The following SAG variants were observed in gnomAD, a reference collection of about 807,000 sequenced individuals.
SAG encodes the protein S-arrestin.
Under a neutral mutation model 55.0 loss-of-function variants are expected in SAG, and 45 were observed. The observed-to-expected ratio is 0.82, with a 90% confidence interval of 0.64 to 1.05. The LOEUF is 1.05. Among genes scored for constraint, SAG ranks in the 50% least tolerant of loss-of-function variants. The probability of loss-of-function intolerance (pLI) is 0.00; values close to 1 mark genes in which losing one functional copy is unlikely to be tolerated. For missense variants in SAG, 455 were observed against 512.1 expected, an observed-to-expected ratio of 0.89 and a Z score of 1.08; for synonymous variants, 189 against 197.4, an observed-to-expected ratio of 0.96 and a Z score of 0.36.
intron 5 of SAG, among the ~76,000 whole-genome samples, chr2:233,321,542 G>A (rs976023510): frequency 4.6e-5 from 7 of 152,186 alleles, no homozygotes; most frequent in African/African-American, 1.7e-4. Context: ...ACTTACAGGA[G>A]ATACCTGGAG....
intron 10 of SAG, 64 bp downstream of exon 10, chr2:233,331,776 G>A (rs573813075): frequency 7.7e-5 from 89 of 1,156,308 alleles, no homozygotes; most frequent in African/African-American, 2.4e-4. Flanking sequence ...GTTTCTCGCC[G>A]TTTATTGCTG....
At chr2:233,344,748 AT>A (rs1701202362) in intron 14 of SAG, 2 of 152,192 alleles carry the variant, frequency 1.3e-5, no homozygotes, top group African/African-American at 2.4e-5. Context: ...GGCTGGTAGG[AT>A]TCTAAGCAGA....
In SAG at chr2:233,329,547, G is replaced by C. The variant is rs570563401; in HGVS notation, c.703G>C (p.Glu235Gln). 3.1e-6 allele frequency: 5 copies of C among 1,613,138 alleles called. No homozygotes were observed. The South Asian group carries it at 5.5e-5, about 18-fold the overall frequency. ...GACCGTGACTGTCACCAATAACACAGAGAAGACCGTGAAGAAGATTAAAGC... is the reference window on the plus strand; with the variant it reads ...GACCGTGACTGTCACCAATAACACACAGAAGACCGTGAAGAAGATTAAAGC... ...PVTVTVTNNT[E>Q]KTVKKIKAFV... The change falls in exon 9 of 16, where the codon GAG becomes CAG. Residue 235 changes from glutamate to glutamine, a missense_variant. Physicochemically the swap from Glu to Gln is conservative, Grantham distance 29. Coordinates refer to ENST00000409110, the MANE Select transcript of SAG (RefSeq NM_000541.5).
At chr2:233,343,568 A>T (rs899467083) in intron 14 of SAG, 3 of 672,744 alleles carry the variant, frequency 4.5e-6, no homozygotes, top group Non-Finnish European at 6.5e-6. Flanking sequence ...TAGACTGTCG[A>T]CTGTGAAAAG....
At chr2:233,322,392 G>A (rs144912777) in intron 5 of SAG, among the ~76,000 whole-genome samples, 2 of 152,216 alleles carry the variant, frequency 1.3e-5, no homozygotes, top group African/African-American at 2.4e-5. Flanking sequence ...TTATGATGTG[G>A]GAAAATGGTC....
At chr2:233,329,417 GA>G in intron 8 of SAG, 75 bp from the exon 9 acceptor site, 3 of 859,554 alleles carry the variant, frequency 3.5e-6, no homozygotes, top group Non-Finnish European at 5.9e-6. Flanking sequence ...GGATTGAGAT[GA>G]ATCTAGAAAG....
chr2:233,322,185 C>CAAAAAAA (rs35197599), intron 5 of SAG, among the ~76,000 whole-genome samples: 2 of 66,108 alleles, frequency 3.0e-5, no homozygotes, highest in African/African-American at 5.2e-5. Context: ...GACTCTGTCT[C>CAAAAAAA]AAAAAAAAAA....
At chr2:233,320,881 A>G (rs1700361878) in intron 5 of SAG, 58 bp downstream of exon 5, 1 of 1,426,422 alleles carries the variant, frequency 7.0e-7, no homozygotes, top group Non-Finnish European at 9.6e-7. Flanking sequence ...TATCATGTGG[A>G]TGGGGGCAAA....
chr2:233,319,127 G>T lies in SAG; in HGVS notation c.181+332G>T. ...TCTGTGCTAGGGGCAAACTCAGGAG[G>T]GTGCCTGGGGTGCCTAGGACTCAGG... is the stretch of plus-strand genomic sequence containing the variant. On this transcript the variant is annotated intron_variant, in intron 4 of 15. Transcript: ENST00000409110. The surrounding 1 kb of genome is among the most constrained non-coding windows in gnomAD (Gnocchi z 4.4). 2.1e-6 allele frequency: 1 copy of T among 470,198 alleles called. No homozygotes were observed. The allele number at this position is 470,198 out of a possible 1,614,324, so 29.1% of individuals were successfully genotyped here. A position where few individuals can be genotyped will look rare whatever the true frequency, so the allele number is the denominator to read the frequency against.
intron 11 of SAG, among the ~76,000 whole-genome samples, chr2:233,335,620 T>C (rs1412966848): frequency 6.6e-6 from 1 of 152,208 alleles, no homozygotes; most frequent in African/African-American, 2.4e-5. Flanking sequence ...TCAGGAATTG[T>C]AAAGAACAGG....
At chr2:233,326,659 A>G (rs905743668) in intron 6 of SAG, among the ~76,000 whole-genome samples, 2 of 151,878 alleles carry the variant, frequency 1.3e-5, no homozygotes, top group Non-Finnish European at 2.9e-5. Context: ...CTGCCGCTGA[A>G]CAGCAGGTGA....
intron 2 of SAG, among the ~76,000 whole-genome samples, chr2:233,313,362 T>C (rs1365124455): frequency 4.6e-5 from 7 of 152,078 alleles, no homozygotes; most frequent in African/African-American, 1.4e-4. Flanking sequence ...GTGGAGCTGT[T>C]AGAGAGGATG....
intron 3 of SAG, among the ~76,000 whole-genome samples, chr2:233,316,686 G>C (rs1037162900): frequency 6.6e-5 from 10 of 152,260 alleles, no homozygotes; most frequent in Non-Finnish European, 1.5e-4. Flanking sequence ...GAACTCAGCA[G>C]TACAAAAAGC....
intron 13 of SAG, 120 bp from the exon 14 acceptor site, chr2:233,342,151 C>CA: frequency 1.4e-6 from 1 of 710,886 alleles, no homozygotes; most frequent in South Asian, 1.7e-5. Flanking sequence ...GTTCCCACTG[C>CA]ATTGTCTTTC....
intron 2 of SAG, 37 bp downstream of exon 2, chr2:233,309,301 A>C: frequency 6.4e-7 from 1 of 1,562,752 alleles, no homozygotes; most frequent in Non-Finnish European, 8.8e-7. Context: ...GATAGAAATT[A>C]TTGTTTAAAA....
At chr2:233,341,192 C>T (rs539605536) in intron 13 of SAG, among the ~76,000 whole-genome samples, 40 of 152,104 alleles carry the variant, frequency 2.6e-4, no homozygotes, top group African/African-American at 4.1e-4. Context: ...TGCCCAGGCT[C>T]GAGTGCAGTG....
intron 12 of SAG, among the ~76,000 whole-genome samples, chr2:233,339,216 G>A (rs192096176): frequency 5.7e-4 from 86 of 152,184 alleles, no homozygotes; most frequent in Non-Finnish European, 1.1e-3. Flanking sequence ...TTTCATACAA[G>A]AGTGCCAATA....
chr2:233,309,238 T>C lies in SAG; in HGVS notation c.49T>C (p.Phe17Leu), dbSNP rs1700012084. 6.2e-7 allele frequency: 1 copy of C among 1,613,838 alleles called. No homozygotes were observed. The highest frequency in any genetic ancestry group is 8.5e-7 in the Non-Finnish European group (1 of 1,179,800). Residue 17 changes from phenylalanine to leucine, a missense_variant, in exon 2 of 16, where the codon TTC (phenylalanine) becomes CTC (leucine). Phe to Leu is a conservative substitution (Grantham distance 22). Coordinates refer to ENST00000409110, the MANE Select transcript of SAG (RefSeq NM_000541.5). The part of the protein sequence containing the change: ...TSKSEPNHVI[F>L]KKISRDKSVT... ...CAAGTCCGAACCGAACCATGTTATC[T>C]TCAAGAAGATCTCCCGGGACAAATC...
intron 5 of SAG, among the ~76,000 whole-genome samples, chr2:233,322,530 G>A (rs1158775353): frequency 1.3e-5 from 2 of 152,200 alleles, no homozygotes; most frequent in Admixed American, 6.5e-5. Flanking sequence ...GCCAGTTGCA[G>A]TGGCTCACAC....
Sources: allele counts gnomAD v4.1 joint callset (sites outside exome capture counted in the v4.1 genomes callset), GRCh38; gene constraint gnomAD v4.1.1; non-coding constraint Gnocchi (gnomAD v3.1); transcripts MANE v1.5; gene names NCBI Gene and HGNC (gene_info 2026-07-23, HGNC 2026-07-21).